BCL2: variants seen among roughly 807,000 people sequenced by gnomAD.
BCL2 encodes the protein BCL2 apoptosis regulator.
Under a neutral mutation model 14.2 loss-of-function variants are expected in BCL2, and 1 was observed. That is an observed-to-expected ratio of 0.07 (90% confidence interval 0.02 to 0.33). BCL2 has a LOEUF of 0.33. Among genes scored for constraint, BCL2 ranks in the 10% least tolerant of loss-of-function variants. The probability of loss-of-function intolerance (pLI) is 0.99; values close to 1 mark genes in which losing one functional copy is unlikely to be tolerated. For synonymous variants in BCL2, 151 were observed against 137.2 expected, an observed-to-expected ratio of 1.10 and a Z score of -0.70; for missense variants, 247 against 305.9, an observed-to-expected ratio of 0.81 and a Z score of 1.44.
intron 2 of BCL2, among the ~76,000 whole-genome samples, chr18:63,165,376 G>T (rs868603311): frequency 1.3e-5 from 2 of 152,166 alleles, no homozygotes; most frequent in Non-Finnish European, 2.9e-5. Context: ...CATGGCTCTG[G>T]CTCTGTCTTC....
Position 63,126,391 on chromosome 18 carries a change from A to G in BCL2, c.*2234T>C, listed in dbSNP as rs1913912967. ...ACGTAAAGCAACTCTCTAAAGGTCAAACCACCATAGATTTGAATCTGCTGG... is the reference window on the plus strand; with the variant it reads ...ACGTAAAGCAACTCTCTAAAGGTCAGACCACCATAGATTTGAATCTGCTGG... On this transcript the variant is annotated 3_prime_UTR_variant, in exon 3 of 3. Transcript: ENST00000333681. 1 of 223,642 alleles carries G rather than the reference A, an allele frequency of 4.5e-6. No homozygotes were observed. The highest frequency in any genetic ancestry group is 8.9e-6 in the Non-Finnish European group (1 of 111,796). The allele number at this position is 223,642 out of a possible 1,614,324, so 13.9% of individuals were successfully genotyped here. A position where few individuals can be genotyped will look rare whatever the true frequency, so the allele number is the denominator to read the frequency against.
At chr18:63,135,843 C>A (rs571665729) in intron 2 of BCL2, among the ~76,000 whole-genome samples, 1 of 152,306 alleles carries the variant, frequency 6.6e-6, no homozygotes, top group Non-Finnish European at 1.5e-5. Context: ...AAGCCACACT[C>A]ATTGGCTCAC....
intron 2 of BCL2, among the ~76,000 whole-genome samples, chr18:63,290,410 C>G (rs1355919413): frequency 6.6e-6 from 1 of 152,170 alleles, no homozygotes; most frequent in Non-Finnish European, 1.5e-5. Flanking sequence ...TGAGTCAAGA[C>G]AGACAGTATT....
chr18:63,296,994 C>T lies in BCL2; in HGVS notation c.585+21088G>A, dbSNP rs113874717. ...TTGGGAGGCCGAGGCGGGCGGACCACGAGTTCAGGAGATTGAGACCATCTT... is the reference window on the plus strand; with the variant it reads ...TTGGGAGGCCGAGGCGGGCGGACCATGAGTTCAGGAGATTGAGACCATCTT... On this transcript the variant is annotated intron_variant, in intron 2 of 2. Transcript: ENST00000333681. Among the ~76,000 whole-genome samples, 5 of 152,224 alleles carry T rather than the reference C, an allele frequency of 3.3e-5. 1 individual carries two copies. Among genetic ancestry groups the T allele is most frequent in the African/African-American group, 1.2e-4 (5 of 41,552 alleles).
chr18:63,297,925 C>G (rs1449362165), intron 2 of BCL2, among the ~76,000 whole-genome samples: 1 of 152,174 alleles, frequency 6.6e-6, no homozygotes, highest in Admixed American at 6.5e-5. Context: ...GAGCACGTGT[C>G]CCTGGGATCC....
At chr18:63,160,067 C>T (rs1914882452) in intron 2 of BCL2, among the ~76,000 whole-genome samples, 2 of 152,178 alleles carry the variant, frequency 1.3e-5, no homozygotes, top group Non-Finnish European at 1.5e-5. Flanking sequence ...ATCCCTTTAA[C>T]TCACTCCCCT....
intron 2 of BCL2, among the ~76,000 whole-genome samples, chr18:63,195,214 A>G (rs1909411317): frequency 6.6e-6 from 1 of 152,196 alleles, no homozygotes; most frequent in South Asian, 2.1e-4. Context: ...TGGGTAAGTC[A>G]TTGAATCTTG....
At position 63,127,895 on chromosome 18, in the gene BCL2, T is replaced by C. The variant is rs150966214; in HGVS notation, c.*730A>G. On this transcript the variant is annotated 3_prime_UTR_variant, in exon 3 of 3. Coordinates refer to ENST00000333681, the MANE Select transcript of BCL2 (RefSeq NM_000633.3). Reference sequence around the variant, plus strand: ...TGCTAAAATGCTTTTCTCGGCACAATTGGTAGCTTAAAAAAATACTTTCCT... The same window carrying C: ...TGCTAAAATGCTTTTCTCGGCACAACTGGTAGCTTAAAAAAATACTTTCCT... The C allele has an allele frequency of 1.3e-5, 3 of 225,008 alleles. No homozygotes were observed. The highest frequency in any genetic ancestry group is 6.4e-5 in the East Asian group (1 of 15,596). The allele number at this position is 225,008 out of a possible 1,614,324, so 13.9% of individuals were successfully genotyped here. A position where few individuals can be genotyped will look rare whatever the true frequency, so the allele number is the denominator to read the frequency against.
At chr18:63,183,849 C>T (rs773666434) in intron 2 of BCL2, among the ~76,000 whole-genome samples, 2 of 152,158 alleles carry the variant, frequency 1.3e-5, no homozygotes, top group Non-Finnish European at 2.9e-5. Context: ...GTACATTAAA[C>T]AGTGCAATTT....
At chr18:63,278,218 A>C (rs1427707588) in intron 2 of BCL2, among the ~76,000 whole-genome samples, 1 of 152,224 alleles carries the variant, frequency 6.6e-6, no homozygotes, top group South Asian at 2.1e-4. Flanking sequence ...ATTTTTGTAG[A>C]TCTTGATAAA....
Position 63,318,863 on chromosome 18 carries a change from T to C in BCL2, c.-197A>G. 1 of 1,410,882 alleles carries C rather than the reference T, an allele frequency of 7.1e-7. No individual in the cohort carries two copies. The highest frequency in any genetic ancestry group is 9.3e-7 in the Non-Finnish European group (1 of 1,080,922). 87.4% of individuals were successfully genotyped at this position (1,410,882 alleles called of 1,614,324 possible). ...CCCCCTTGGCATGAGATGCAGGAAA[T>C]TTTTATTCCAATTCCTTTCGGATCT... On this transcript the variant is annotated 5_prime_UTR_variant, in exon 2 of 3. Transcript: ENST00000333681. The surrounding 1 kb of genome is among the most constrained non-coding windows in gnomAD (Gnocchi z 7.4).
At chr18:63,168,704 T>C (rs1915105674) in intron 2 of BCL2, among the ~76,000 whole-genome samples, 1 of 152,238 alleles carries the variant, frequency 6.6e-6, no homozygotes, top group Admixed American at 6.5e-5. Flanking sequence ...CTGCTCCGTT[T>C]ATTGGTATGT....
chr18:63,219,488 G>A (rs898365063), intron 2 of BCL2, among the ~76,000 whole-genome samples: 6 of 127,086 alleles, frequency 4.7e-5, no homozygotes, highest in Admixed American at 2.9e-4. Context: ...ACGGATTCTC[G>A]CTCTGTCGCC....
At chr18:63,206,272 G>A (rs73471347) in intron 2 of BCL2, among the ~76,000 whole-genome samples, 3,441 of 152,276 alleles carry the variant, frequency 0.023, 43 homozygotes, top group South Asian at 0.055. Flanking sequence ...GATAAGCACC[G>A]TGGCCAATAC....
chr18:63,220,694 T>C (rs1432054413), intron 2 of BCL2, among the ~76,000 whole-genome samples: 1 of 152,104 alleles, frequency 6.6e-6, no homozygotes, highest in East Asian at 1.9e-4. Flanking sequence ...CATCATATGG[T>C]GCTAATGACA....
chr18:63,233,727 G>A (rs561287497), intron 2 of BCL2, among the ~76,000 whole-genome samples: 50 of 152,278 alleles, frequency 3.3e-4, no homozygotes, highest in African/African-American at 1.1e-3. Flanking sequence ...ATGGCCTGGG[G>A]GCTGGGGACC....
At chr18:63,152,282 A>G (rs556791461) in intron 2 of BCL2, among the ~76,000 whole-genome samples, 1 of 152,334 alleles carries the variant, frequency 6.6e-6, no homozygotes, top group Non-Finnish European at 1.5e-5. Flanking sequence ...CTGCTCTGGG[A>G]GCAGAATCGG....
intron 2 of BCL2, among the ~76,000 whole-genome samples, chr18:63,309,948 C>T (rs542537867): frequency 1.8e-4 from 27 of 152,172 alleles, no homozygotes; most frequent in South Asian, 6.2e-4. Context: ...CTGCAACCTC[C>T]GCCTCCTGGG....
intron 2 of BCL2, among the ~76,000 whole-genome samples, chr18:63,183,948 T>C (rs1915534875): frequency 1.3e-5 from 2 of 152,180 alleles, no homozygotes; most frequent in South Asian, 4.1e-4. Context: ...GGAAGGAGCC[T>C]GCATGGGGCC....
Sources: allele counts gnomAD v4.1 joint callset (sites outside exome capture counted in the v4.1 genomes callset), GRCh38; gene constraint gnomAD v4.1.1; non-coding constraint Gnocchi (gnomAD v3.1); transcripts MANE v1.5; gene names NCBI Gene and HGNC (gene_info 2026-07-23, HGNC 2026-07-21).